The following SLC14A2 variants were observed in gnomAD, a reference collection of about 807,000 sequenced individuals.
SLC14A2 encodes urea transporter 2.
A neutral mutation model predicts 104.6 loss-of-function variants in SLC14A2; 91 were observed. That is an observed-to-expected ratio of 0.87 (90% CI 0.73 to 1.04). The LOEUF is 1.04. Ranked by LOEUF, SLC14A2 falls within the 50% of genes least tolerant of loss-of-function variation. SLC14A2 has a pLI of 0.00. For synonymous variants in SLC14A2, 476 were observed against 466.4 expected (o/e 1.02, Z -0.27); for missense variants, 1,189 against 1,156.0 (o/e 1.03, Z -0.41).
intron 2 of SLC14A2, among the ~76,000 whole-genome samples, chr18:45,533,054 G>T (rs2043722921): frequency 6.6e-6 from 1 of 152,204 alleles, no homozygotes; most frequent in Admixed American, 6.5e-5. Flanking sequence ...AAGCCCACTT[G>T]ATCATGGTGG....
intron 2 of SLC14A2, among the ~76,000 whole-genome samples, chr18:45,572,516 A>G (rs1163809756): frequency 6.6e-6 from 1 of 151,672 alleles, no homozygotes; most frequent in Non-Finnish European, 1.5e-5. Context: ...TTCACTTTAC[A>G]CCCCCATTTT....
At chr18:45,648,195 CTTTTTTTTTTTTTTTT>C (rs59843067) in intron 10 of SLC14A2, among the ~76,000 whole-genome samples, 13 of 101,240 alleles carry the variant, frequency 1.3e-4, no homozygotes, top group Admixed American at 2.1e-4. Context: ...CTAGTTAATG[CTTTTTTTTTTTTTTTT>C]TTTTTTTTTT....
chr18:45,197,862 C>A, the SLC14A2 span, among the ~76,000 whole-genome samples: 1 of 152,270 alleles, frequency 6.6e-6, no homozygotes, highest in Non-Finnish European at 1.5e-5. Flanking sequence ...TTAAGGCTCA[C>A]AAGAACCTCT....
rs188741059 is a variant in SLC14A2 at position 45,615,541 on chromosome 18, A to C, written c.-76A>C. ...GTTTGCTTCCCCTTCGCCTTCCACC[A>C]TGACTGTAAGTTTCCTGAGGCCTCC... is the stretch of plus-strand genomic sequence containing the variant. On this transcript the variant is annotated 5_prime_UTR_variant, in exon 1 of 20. The change abolishes an upstream ATG in the 5' untranslated region. Coordinates refer to ENST00000255226, the MANE Select transcript of SLC14A2 (RefSeq NM_007163.4). The C allele has an allele frequency of 6.6e-6, 1 of 151,566 alleles. No individual in the cohort carries two copies. Among genetic ancestry groups the C allele is most frequent in the Non-Finnish European group, 1.5e-5 (1 of 67,944 alleles). The allele number at this position is 151,566 out of a possible 1,614,324, so 9.4% of individuals were successfully genotyped here.
chr18:45,391,143 T>C (rs1311443175), intron 1 of SLC14A2, among the ~76,000 whole-genome samples: 3 of 152,200 alleles, frequency 2.0e-5, no homozygotes, highest in Non-Finnish European at 2.9e-5. Flanking sequence ...TGTGTTCTCA[T>C]TGTTCAATTC....
At chr18:45,513,749 A>T (rs924989455) in intron 2 of SLC14A2, among the ~76,000 whole-genome samples, 2 of 152,206 alleles carry the variant, frequency 1.3e-5, no homozygotes, top group South Asian at 4.1e-4. Context: ...GGACACAAAG[A>T]CATATCTCTG....
At chr18:45,591,407 C>G (rs1185929011) in intron 2 of SLC14A2, among the ~76,000 whole-genome samples, 1 of 152,186 alleles carries the variant, frequency 6.6e-6, no homozygotes, top group Non-Finnish European at 1.5e-5. Context: ...GCGATCTCAG[C>G]TCACTGCAAC....
chr18:45,451,822 A>G (rs2086862356), intron 1 of SLC14A2, among the ~76,000 whole-genome samples: 1 of 152,182 alleles, frequency 6.6e-6, no homozygotes, highest in African/African-American at 2.4e-5. Context: ...GCAACAAACT[A>G]TTCAAAAGAC....
At chr18:45,606,530 ATCAG>A (rs1185599439) in intron 2 of SLC14A2, among the ~76,000 whole-genome samples, 3 of 152,102 alleles carry the variant, frequency 2.0e-5, no homozygotes, top group African/African-American at 7.2e-5. Context: ...TATTCTAGGA[ATCAG>A]TCAGCCACAA....
intron 1 of SLC14A2, among the ~76,000 whole-genome samples, chr18:45,300,870 A>C (rs1023373118): frequency 3.3e-5 from 5 of 152,160 alleles, no homozygotes; most frequent in African/African-American, 9.7e-5. Flanking sequence ...TATGCTCTGC[A>C]TCCTCCAGTC....
At chr18:45,194,980 T>G in the SLC14A2 span, among the ~76,000 whole-genome samples, 1 of 152,130 alleles carries the variant, frequency 6.6e-6, no homozygotes, top group Non-Finnish European at 1.5e-5. Context: ...CTCTTGGAGA[T>G]CTCCCTTACC....
At chr18:45,272,795 G>A (rs1237211399) in intron 1 of SLC14A2, among the ~76,000 whole-genome samples, 1 of 152,074 alleles carries the variant, frequency 6.6e-6, no homozygotes, top group African/African-American at 2.4e-5. Flanking sequence ...AAATGCTTGA[G>A]GGGATGGATA....
At chr18:45,412,281 G>GGAAATCA (rs1411399245) in intron 1 of SLC14A2, among the ~76,000 whole-genome samples, 1 of 152,088 alleles carries the variant, frequency 6.6e-6, no homozygotes, top group Non-Finnish European at 1.5e-5. Flanking sequence ...TTTTATCCTG[G>GGAAATCA]GAAATCAGTG....
chr18:45,367,634 G>A (rs901490451), intron 1 of SLC14A2, among the ~76,000 whole-genome samples: 5 of 152,186 alleles, frequency 3.3e-5, no homozygotes, highest in African/African-American at 1.2e-4. Flanking sequence ...CAAGCCAGTT[G>A]TGAACATCAT....
chr18:45,679,958 C>G (rs1380793398), intron 19 of SLC14A2, among the ~76,000 whole-genome samples: 3 of 152,212 alleles, frequency 2.0e-5, no homozygotes, highest in Non-Finnish European at 2.9e-5. Context: ...TCCCTTGGAA[C>G]AGGGACCTCA....
intron 2 of SLC14A2, among the ~76,000 whole-genome samples, chr18:45,591,806 AC>A (rs1245072490): frequency 6.6e-6 from 1 of 152,192 alleles, no homozygotes; most frequent in Non-Finnish European, 1.5e-5. Context: ...AGAAAAAGGG[AC>A]CTGGGAGAGC....
intron 1 of SLC14A2, among the ~76,000 whole-genome samples, chr18:45,404,834 T>A (rs2086135983): frequency 6.6e-6 from 1 of 152,174 alleles, no homozygotes; most frequent in African/African-American, 2.4e-5. Context: ...TGTTTGTCAA[T>A]CTTGTTTTCT....
chr18:45,647,761 A>C (rs2045647606), intron 10 of SLC14A2: 1 of 142,414 alleles, frequency 7.0e-6, no homozygotes. Context: ...TGGGTTTCTT[A>C]ATTTCTAGCA....
chr18:45,271,643 T>A (rs1015831203), intron 1 of SLC14A2, among the ~76,000 whole-genome samples: 1 of 151,816 alleles, frequency 6.6e-6, no homozygotes, highest in African/African-American at 2.4e-5. Context: ...ATGAAAGAAA[T>A]TGAAAAGAAC....
Sources: gnomAD v4.1 joint callset for allele counts (sites outside exome capture counted in the v4.1 genomes callset) on GRCh38, gnomAD v4.1.1 for gene constraint, MANE v1.5 for transcripts, NCBI Gene and HGNC (gene_info 2026-07-23, HGNC 2026-07-21) for gene names.